Variants in UBE2G1 observed in about 807,000 individuals in gnomAD.
UBE2G1 encodes ubiquitin conjugating enzyme E2 G1, also known as ubiquitin-conjugating enzyme E2 G1.
In UBE2G1, 5 loss-of-function variants were observed where a neutral mutation model predicts 22.7. The observed-to-expected ratio is 0.22, with a 90% CI of 0.12 to 0.46. The LOEUF (loss-of-function observed/expected upper bound fraction) is 0.46, where lower values mean the gene tolerates loss of function less well. UBE2G1 is among the 20% of genes least tolerant of loss of function. The probability of loss-of-function intolerance (pLI) is 0.99; values close to 1 mark genes in which losing one functional copy is unlikely to be tolerated. For missense variants in UBE2G1, 88 were observed against 203.9 expected (o/e 0.43, Z 3.46); for synonymous variants, 74 against 67.5 (o/e 1.10, Z -0.47).
At chr17:4,296,653 C>T in intron 3 of UBE2G1, 64 bp downstream of exon 3, 7 of 1,452,114 alleles carry the variant, frequency 4.8e-6, no homozygotes, top group Admixed American at 1.7e-5. Context: ...TCTTATTGAC[C>T]TTGAACACTT....
At chr17:4,330,220 G>A (rs764456632) in intron 1 of UBE2G1, among the ~76,000 whole-genome samples, 11 of 152,058 alleles carry the variant, frequency 7.2e-5, no homozygotes, top group East Asian at 1.9e-4. Context: ...AGCAACAATC[G>A]AAAATCTAAA....
At chr17:4,290,382 C>T (rs1443622801) in intron 3 of UBE2G1, among the ~76,000 whole-genome samples, 3 of 152,164 alleles carry the variant, frequency 2.0e-5, no homozygotes, top group Non-Finnish European at 4.4e-5. Flanking sequence ...GTTATGAACT[C>T]TGGGTAATCA....
At chr17:4,329,174 G>A (rs867184304) in intron 1 of UBE2G1, among the ~76,000 whole-genome samples, 2 of 150,384 alleles carry the variant, frequency 1.3e-5, no homozygotes, top group Non-Finnish European at 2.9e-5. Context: ...CGAGGCAGGC[G>A]GATTGCCTGA....
chr17:4,349,791 C>T (rs1033662084), intron 1 of UBE2G1, among the ~76,000 whole-genome samples: 1 of 149,980 alleles, frequency 6.7e-6, no homozygotes, highest in African/African-American at 2.5e-5. Context: ...TGCAGTGAGC[C>T]GAGATTGCGC....
At chr17:4,284,838 CTTTTTTTTTT>C (rs1176508350) in intron 4 of UBE2G1, among the ~76,000 whole-genome samples, 3 of 22,318 alleles carry the variant, frequency 1.3e-4, no homozygotes, top group African/African-American at 1.9e-4. Context: ...TCTTTTCTTT[CTTTTTTTTTT>C]TTTTTTTTTT....
At chr17:4,308,419 G>C (rs187836706) in intron 1 of UBE2G1, among the ~76,000 whole-genome samples, 1 of 152,128 alleles carries the variant, frequency 6.6e-6, no homozygotes, top group African/African-American at 2.4e-5. Flanking sequence ...CAGTTACTCA[G>C]AAGGCTAAGG....
chr17:4,285,342 C>G (rs1968949795), intron 4 of UBE2G1, among the ~76,000 whole-genome samples: 1 of 151,892 alleles, frequency 6.6e-6, no homozygotes. Context: ...AAAGAATCAG[C>G]CTAGTACCAA....
At chr17:4,339,471 A>C (rs923807759) in intron 1 of UBE2G1, among the ~76,000 whole-genome samples, 1 of 152,074 alleles carries the variant, frequency 6.6e-6, no homozygotes, top group Admixed American at 6.6e-5. Context: ...CGATCGGCTA[A>C]TTTTTTGTAT....
intron 2 of UBE2G1, among the ~76,000 whole-genome samples, chr17:4,305,530 A>G (rs1969239678): frequency 6.6e-6 from 1 of 152,136 alleles, no homozygotes; most frequent in Admixed American, 6.5e-5. Context: ...AATGTACACC[A>G]AAGACCAGAG....
chr17:4,352,060 C>T (rs1347834944), intron 1 of UBE2G1, among the ~76,000 whole-genome samples: 1 of 152,044 alleles, frequency 6.6e-6, no homozygotes, highest in Non-Finnish European at 1.5e-5. Context: ...GAGTTAGAGA[C>T]CAGCCTGGCC....
At chr17:4,293,164 GAAC>G (rs1969063931) in intron 3 of UBE2G1, among the ~76,000 whole-genome samples, 1 of 152,086 alleles carries the variant, frequency 6.6e-6, no homozygotes, top group African/African-American at 2.4e-5. Flanking sequence ...CAGCAGTAGG[GAAC>G]CACTAACCTA....
chr17:4,295,519 C>A (rs1327971476), intron 3 of UBE2G1, among the ~76,000 whole-genome samples: 1 of 152,324 alleles, frequency 6.6e-6, no homozygotes, highest in East Asian at 1.9e-4. Context: ...ATTCCTGTCT[C>A]GCTGATTCCA....
At chr17:4,326,460 A>G (rs2143769121) in intron 1 of UBE2G1, among the ~76,000 whole-genome samples, 1 of 152,370 alleles carries the variant, frequency 6.6e-6, no homozygotes, top group East Asian at 1.9e-4. Context: ...ATGTAGAGAA[A>G]TTAGAACCCC....
chr17:4,355,829 T>C (rs1936031396), intron 1 of UBE2G1, among the ~76,000 whole-genome samples: 1 of 143,868 alleles, frequency 7.0e-6, no homozygotes, highest in Non-Finnish European at 1.5e-5. Flanking sequence ...GCCTCCTGAG[T>C]AGCTGGGATT....
At chr17:4,290,929 T>A (rs1489007374) in intron 3 of UBE2G1, among the ~76,000 whole-genome samples, 1 of 152,144 alleles carries the variant, frequency 6.6e-6, no homozygotes, top group East Asian at 1.9e-4. Context: ...GACAGAGAAG[T>A]ACAGCAGTGA....
chr17:4,279,451 TC>T (rs1340813051), intron 5 of UBE2G1, among the ~76,000 whole-genome samples: 2 of 152,042 alleles, frequency 1.3e-5, no homozygotes, highest in Non-Finnish European at 2.9e-5. Context: ...AAGTTCAACC[TC>T]TACCTCATAC....
intron 1 of UBE2G1, among the ~76,000 whole-genome samples, chr17:4,326,567 G>C (rs1969505852): frequency 6.6e-6 from 1 of 152,154 alleles, no homozygotes; most frequent in South Asian, 2.1e-4. Context: ...ATATGATCCA[G>C]CAATTTCACT....
At chr17:4,331,125 T>C (rs1313702227) in intron 1 of UBE2G1, among the ~76,000 whole-genome samples, 1 of 152,124 alleles carries the variant, frequency 6.6e-6, no homozygotes, top group Non-Finnish European at 1.5e-5. Context: ...CAATAAAAAG[T>C]GGCACTTTGA....
At chr17:4,363,814 T>C (rs1969996477) in intron 1 of UBE2G1, among the ~76,000 whole-genome samples, 1 of 150,610 alleles carries the variant, frequency 6.6e-6, no homozygotes. Context: ...TAGCCGGGCG[T>C]GGTGGCGGGC....
Sources: gnomAD v4.1 joint callset for allele counts (sites outside exome capture counted in the v4.1 genomes callset) on GRCh38, gnomAD v4.1.1 for gene constraint, MANE v1.5 for transcripts, NCBI Gene and HGNC (gene_info 2026-07-23, HGNC 2026-07-21) for gene names.